The following DENND4A variants were observed in gnomAD, a reference collection of about 807,000 sequenced individuals.
DENND4A encodes the protein C-myc promoter-binding protein.
In DENND4A, 70 loss-of-function variants were observed where a neutral mutation model predicts 199.3. The observed-to-expected ratio is 0.35, with a 90% confidence interval of 0.29 to 0.43. The LOEUF is 0.43. Ranked by LOEUF, DENND4A falls within the 20% of genes least tolerant of loss-of-function variation. DENND4A has a pLI of 1.00. For synonymous variants in DENND4A, 686 were observed against 766.9 expected (o/e 0.89, Z 1.74); for missense variants, 1,723 against 2,255.8 (o/e 0.76, Z 4.78).
intron 1 of DENND4A, among the ~76,000 whole-genome samples, 190 bp downstream of exon 1, chr15:65,791,820 C>T (rs2077737357): frequency 6.6e-6 from 1 of 152,170 alleles, no homozygotes; most frequent in Non-Finnish European, 1.5e-5. Context: ...TCAGCACCGC[C>T]GCGCCATCCC....
At chr15:65,770,302 A>G (rs1318464786) in intron 1 of DENND4A, among the ~76,000 whole-genome samples, 1 of 152,136 alleles carries the variant, frequency 6.6e-6, no homozygotes, top group Non-Finnish European at 1.5e-5. Flanking sequence ...CTATGGGGGA[A>G]AATGTGAGTC....
At chr15:65,751,964 A>C (rs2076573560) in intron 4 of DENND4A, among the ~76,000 whole-genome samples, 1 of 152,036 alleles carries the variant, frequency 6.6e-6, no homozygotes. Context: ...AAATATTTGC[A>C]TGTTGGAGGA....
chr15:65,739,407 A>T (rs558842370), intron 5 of DENND4A, among the ~76,000 whole-genome samples: 12 of 152,288 alleles, frequency 7.9e-5, no homozygotes, highest in African/African-American at 2.6e-4. Context: ...TCTAAATAAC[A>T]CCAGGTTATA....
In DENND4A at chr15:65,690,281, A is replaced by G. The variant is rs981173204; in HGVS notation, c.4179+134T>C. On this transcript the variant is annotated intron_variant, in intron 23 of 32. Coordinates refer to ENST00000443035, the MANE Select transcript of DENND4A (RefSeq NM_001320835.1). ...TATTTCAGTTCCAATTCTGATACTTACAAAACTTACATACCCAATGAGTCC... is the reference window on the plus strand; with the variant it reads ...TATTTCAGTTCCAATTCTGATACTTGCAAAACTTACATACCCAATGAGTCC... The G allele has an allele frequency of 4.5e-6, 4 of 887,024 alleles. No homozygotes were observed. The Admixed American group carries it at 1.1e-4, about 25-fold the overall frequency. The allele number at this position is 887,024 out of a possible 1,614,324, so 54.9% of individuals were successfully genotyped here.
chr15:65,706,041 T>C (rs866863933), intron 15 of DENND4A, 50 bp downstream of exon 15: 14 of 1,445,952 alleles, frequency 9.7e-6, no homozygotes, highest in Admixed American at 5.0e-5. Flanking sequence ...ACGTCACAGA[T>C]GATGGATTGC....
intron 5 of DENND4A, among the ~76,000 whole-genome samples, chr15:65,739,477 G>A (rs953591098): frequency 3.3e-5 from 5 of 152,146 alleles, no homozygotes; most frequent in African/African-American, 1.2e-4. Flanking sequence ...GTTTACATTA[G>A]GAAAACGGTC....
At chr15:65,786,927 G>A (rs1001676190) in intron 1 of DENND4A, among the ~76,000 whole-genome samples, 1 of 152,058 alleles carries the variant, frequency 6.6e-6, no homozygotes, top group Non-Finnish European at 1.5e-5. Flanking sequence ...GGATAAAACT[G>A]GGGAGAACAA....
chr15:65,688,212 ATT>A (rs1009185430), intron 23 of DENND4A, among the ~76,000 whole-genome samples: 1 of 152,166 alleles, frequency 6.6e-6, no homozygotes, highest in African/African-American at 2.4e-5. Context: ...CAGTTATAAA[ATT>A]TGTTTTAATA....
chr15:65,788,085 T>A (rs111557057), intron 1 of DENND4A, among the ~76,000 whole-genome samples: 36,282 of 151,618 alleles, frequency 0.24, 5,198 homozygotes, highest in African/African-American at 0.4. Flanking sequence ...TTATTTATTT[T>A]TTTTTTTTTG....
At position 65,660,143 on chromosome 15, in the gene DENND4A, T is replaced by C. The variant is rs1194037836; in HGVS notation, c.*1708A>G. On this transcript the variant is annotated 3_prime_UTR_variant, in exon 33 of 33. Coordinates refer to ENST00000443035, the MANE Select transcript of DENND4A (RefSeq NM_001320835.1). ...GAACATGAAGCTTGGATCTGAATAG[T>C]AAAGAATAATATTGGAGTGGTATTT... 1.1e-5 allele frequency: 7 copies of C among 613,754 alleles called. No homozygotes were observed. The highest frequency in any genetic ancestry group is 2.0e-5 in the Non-Finnish European group (7 of 347,560). 38.0% of individuals were successfully genotyped at this position (613,754 alleles called of 1,614,324 possible). A position where few individuals can be genotyped will look rare whatever the true frequency, so the allele number is the denominator to read the frequency against.
rs2075962295 is a variant in DENND4A, at chr15:65,731,646, G to A, written c.1162C>T (p.Leu388=). The change falls in exon 9 of 33, where the codon CTA becomes TTA. Residue 388 remains leucine (L), a synonymous_variant. Transcript: ENST00000443035. ...LSQPVSSPLP[L]SGGKFSTLLQ... ...TAGAAATGAGGTTTTACTTGCCTTA[G>A]TGGAAGAGGTGAAGACACAGGCTGA... The A allele has an allele frequency of 6.4e-7, 1 of 1,553,476 alleles. No individual in the cohort carries two copies. Among genetic ancestry groups the A allele is most frequent in the African/African-American group, 1.4e-5 (1 of 73,246 alleles).
At chr15:65,783,335 T>C (rs1452205034) in intron 1 of DENND4A, among the ~76,000 whole-genome samples, 1 of 152,220 alleles carries the variant, frequency 6.6e-6, no homozygotes, top group Non-Finnish European at 1.5e-5. Flanking sequence ...TTCTCACTTT[T>C]GGAGAGGGAG....
At chr15:65,763,452 T>C (rs559770444) in intron 1 of DENND4A, among the ~76,000 whole-genome samples, 70 of 151,700 alleles carry the variant, frequency 4.6e-4, no homozygotes, top group African/African-American at 1.5e-3. Flanking sequence ...CTTTGGGAGG[T>C]TGAGGCGTGT....
intron 11 of DENND4A, among the ~76,000 whole-genome samples, 162 bp from the exon 12 acceptor site, chr15:65,723,110 T>C (rs1027522284): frequency 6.6e-6 from 1 of 152,160 alleles, no homozygotes; most frequent in African/African-American, 2.4e-5. Context: ...CAGGGGTAAA[T>C]TGGCATGTTG....
intron 1 of DENND4A, among the ~76,000 whole-genome samples, chr15:65,790,950 G>C (rs2077701435): frequency 6.6e-6 from 1 of 152,210 alleles, no homozygotes; most frequent in African/African-American, 2.4e-5. Flanking sequence ...CCCAAGGAGA[G>C]AAGAGGTATA....
At chr15:65,715,425 T>A in intron 14 of DENND4A, 53 bp downstream of exon 14, 7 of 1,506,414 alleles carry the variant, frequency 4.6e-6, no homozygotes, top group Non-Finnish European at 5.4e-6. Flanking sequence ...CTCATAACAT[T>A]TATAACAGTC....
chr15:65,666,440 A>T (rs1232370053), intron 29 of DENND4A, among the ~76,000 whole-genome samples: 1 of 152,184 alleles, frequency 6.6e-6, no homozygotes, highest in Non-Finnish European at 1.5e-5. Context: ...CACATCCCAG[A>T]TGGGACAGCA....
chr15:65,760,551 T>C (rs777481959), intron 2 of DENND4A, among the ~76,000 whole-genome samples: 4 of 151,564 alleles, frequency 2.6e-5, no homozygotes, highest in Non-Finnish European at 4.4e-5. Context: ...CTAAAGCAGA[T>C]AGTCACTATT....
intron 17 of DENND4A, 49 bp from the exon 18 acceptor site, chr15:65,701,939 C>T (rs764443851): frequency 3.7e-6 from 6 of 1,608,132 alleles, no homozygotes; most frequent in Non-Finnish European, 4.3e-6. Context: ...TCACCATGTA[C>T]ATAAATCTAG....
Sources: gnomAD v4.1 joint callset for allele counts (sites outside exome capture counted in the v4.1 genomes callset) on GRCh38, gnomAD v4.1.1 for gene constraint, MANE v1.5 for transcripts, NCBI Gene and HGNC (gene_info 2026-07-23, HGNC 2026-07-21) for gene names.